BICDL2: variants seen among roughly 807,000 people sequenced by gnomAD.
The protein encoded by BICDL2 is BICD family like cargo adaptor 2.
Under a neutral mutation model 56.6 loss-of-function variants are expected in BICDL2, and 62 were observed. The ratio of observed to expected loss-of-function variants is 1.10; its 90% CI spans 0.89 to 1.35. The LOEUF (loss-of-function observed/expected upper bound fraction) is 1.35. BICDL2 is among the 40% of genes most tolerant of loss of function. The probability of loss-of-function intolerance (pLI) is 0.00; values close to 1 mark genes in which losing one functional copy is unlikely to be tolerated. For missense variants in BICDL2, 808 were observed against 684.5 expected (o/e 1.18, Z -2.01); for synonymous variants, 358 against 319.8 (o/e 1.12, Z -1.27).
chr16:3,027,899 G>T lies in BICDL2; in HGVS notation c.*207C>A. 1 of 847,054 alleles carries T rather than the reference G, an allele frequency of 1.2e-6. No homozygotes were observed. Among genetic ancestry groups the T allele is most frequent in the Non-Finnish European group, 1.7e-6 (1 of 583,950 alleles). The allele number at this position is 847,054 out of a possible 1,614,324, so 52.5% of individuals were successfully genotyped here. On this transcript the variant is annotated 3_prime_UTR_variant, in exon 10 of 10. Coordinates refer to ENST00000572449, the MANE Select transcript of BICDL2 (RefSeq NM_001369667.1). ...ATTCGGAAAATAGCTCTGTTCACCT[G>T]CCCCTGCCACCCACCTGGAGCTCCT...
chr16:3,030,923 G>C lies in BICDL2; in HGVS notation c.498+12C>G. 7 of 1,545,816 alleles carry C rather than the reference G, an allele frequency of 4.5e-6. No homozygotes were observed. Among genetic ancestry groups the C allele is most frequent in the Non-Finnish European group, 6.1e-6 (7 of 1,151,188 alleles). ...AACCTTGTCCAGGGCCCTGGGGTCA[G>C]GGCCATCCCACCTGAGCCAGCTGCT... On this transcript the variant is annotated intron_variant, in intron 3 of 9. Coordinates refer to ENST00000572449, the MANE Select transcript of BICDL2 (RefSeq NM_001369667.1).
chr16:3,031,382 G>A (rs974130297), intron 2 of BICDL2: 3 of 576,964 alleles, frequency 5.2e-6, no homozygotes, highest in African/African-American at 1.9e-5. Context: ...CAAGGGTTGG[G>A]GTGGGGGGAT....
At position 3,030,767 on chromosome 16, in the gene BICDL2, G is replaced by T. The variant is rs371248385; in HGVS notation, c.544C>A (p.Arg182=). 3 of 1,612,472 alleles carry T rather than the reference G, an allele frequency of 1.9e-6. No individual in the cohort carries two copies. The highest frequency in any genetic ancestry group is 2.5e-6 in the Non-Finnish European group (3 of 1,179,676). ...AGTGCCTGAGCCTGGCACTGTCCCC[G>T]AAGGGCGTCCAGTTCCCTCTGAAGT... ...QELQRELDAL[R]GQCQAQALAG... is the part of the protein sequence containing the mutation. Residue 182 remains arginine (R), a synonymous_variant, in exon 4 of 10, where the codon CGG becomes AGG. Transcript: ENST00000572449.
intron 2 of BICDL2, among the ~76,000 whole-genome samples, chr16:3,034,348 G>C (rs1471512417): frequency 6.6e-6 from 1 of 152,120 alleles, no homozygotes; most frequent in African/African-American, 2.4e-5. Flanking sequence ...GCATGATCTT[G>C]GCTCATAGCA....
rs766451998 is a variant in BICDL2 at position 3,028,746 on chromosome 16, C to T, written c.1192G>A (p.Glu398Lys). Residue 398 changes from glutamate (E) to lysine (K), a missense_variant, in exon 8 of 10, where the codon GAG (glutamate) becomes AAG (lysine). By Grantham distance (56) the Glu-to-Lys change is moderately conservative. Transcript: ENST00000572449. The stretch of plus-strand genomic sequence containing the variant: ...TCTGAGAGGGCACTGTGCAGGGCCT[C>T]CCCAGGGTCTTCCTGCGCCCGCAGC... Reference protein sequence around the residue: ...KELRAQEDPGEALHSALSDRD... With the variant: ...KELRAQEDPGKALHSALSDRD... 11 of 1,564,142 alleles carry T rather than the reference C, an allele frequency of 7.0e-6. No homozygotes were observed. The highest frequency in any genetic ancestry group is 8.7e-6 in the Non-Finnish European group (10 of 1,154,548).
At chr16:3,028,566 A>C (rs2151139014) in intron 8 of BICDL2, 98 bp from the exon 9 acceptor site, 1 of 1,533,040 alleles carries the variant, frequency 6.5e-7, no homozygotes, top group Non-Finnish European at 8.7e-7. Flanking sequence ...GGAGGGCTGC[A>C]AACACCTAGA....
intron 1 of BICDL2, 44 bp from the exon 2 acceptor site, chr16:3,035,570 C>A: frequency 6.7e-7 from 1 of 1,488,630 alleles, no homozygotes; most frequent in South Asian, 1.3e-5. Context: ...GCTCACCCTC[C>A]GCCCAGCACC....
At chr16:3,036,658 T>C (rs1596486279) in intron 1 of BICDL2, 2 of 387,286 alleles carry the variant, frequency 5.2e-6, no homozygotes, top group Non-Finnish European at 1.0e-5. Flanking sequence ...CCGCTCCCCC[T>C]CCCCTTCCGC....
At chr16:3,036,004 C>T (rs1955728895) in intron 1 of BICDL2, 1 of 317,218 alleles carries the variant, frequency 3.2e-6, no homozygotes, top group Admixed American at 5.0e-5. Flanking sequence ...CCAGCTCCTT[C>T]CCCTGCCAGA....
intron 1 of BICDL2, chr16:3,036,300 C>A (rs1430310712): frequency 4.4e-6 from 2 of 451,792 alleles, no homozygotes; most frequent in Non-Finnish European, 8.9e-6. Flanking sequence ...CCGGCCGCAG[C>A]GCGGCTCGGA....
Position 3,027,905 on chromosome 16 carries a change from G to A in BICDL2, c.*201C>T. 1 of 873,950 alleles carries A rather than the reference G, an allele frequency of 1.1e-6. No homozygotes were observed. The highest frequency in any genetic ancestry group is 1.6e-6 in the Non-Finnish European group (1 of 608,710). 54.1% of individuals were successfully genotyped at this position (873,950 alleles called of 1,614,324 possible). On this transcript the variant is annotated 3_prime_UTR_variant, in exon 10 of 10. Transcript: ENST00000572449. ...AAAATAGCTCTGTTCACCTGCCCCTGCCACCCACCTGGAGCTCCTGCCCCA... is the reference window on the plus strand; with the variant it reads ...AAAATAGCTCTGTTCACCTGCCCCTACCACCCACCTGGAGCTCCTGCCCCA...
intron 1 of BICDL2, chr16:3,036,637 G>A: frequency 8.9e-6 from 4 of 451,696 alleles, no homozygotes; most frequent in Non-Finnish European, 1.8e-5. Context: ...CGAGAGACAG[G>A]GACCTGGAGA....
At chr16:3,031,296 G>T in intron 2 of BICDL2, 146 bp from the exon 3 acceptor site, 1 of 679,130 alleles carries the variant, frequency 1.5e-6, no homozygotes, top group Non-Finnish European at 2.5e-6. Flanking sequence ...GCAAGGGAGA[G>T]TGAGGGAGGA....
In BICDL2 at chr16:3,031,131, T is replaced by G. The variant is rs770451226; in HGVS notation, c.302A>C (p.His101Pro). The change falls in exon 3 of 10, where the codon CAT becomes CCT. Residue 101 changes from histidine (H) to proline (P), a missense_variant. By Grantham distance (77) the His-to-Pro change is moderately conservative. Coordinates refer to ENST00000572449, the MANE Select transcript of BICDL2 (RefSeq NM_001369667.1). ...EREERLQQEN[H>P]ELRRGLAARG... ...GGCTGCCAGGCCTCGCCGGAGCTCA[T>G]GGTTCTCCTGCTGGAGCCGCTGTGG... 40 of 1,535,252 alleles carry G rather than the reference T, an allele frequency of 2.6e-5. 1 individual carries two copies. In the Middle Eastern group the frequency reaches 5.4e-4, roughly 21 times the overall value.
chr16:3,030,196 C>A, intron 5 of BICDL2: 1 of 545,260 alleles, frequency 1.8e-6, no homozygotes, highest in African/African-American at 1.9e-5. Context: ...TAGGGGCTGT[C>A]ATTCCTGGCC....
In BICDL2 at chr16:3,029,696, A is replaced by C; in HGVS notation, c.806T>G (p.Leu269Arg). ...RSEAGEALSALRRLQRRVSEL... is the reference protein window; with the variant it reads ...RSEAGEALSARRRLQRRVSEL... ...GGAGACGCGCCGCTGCAGCCTCCGC[A>C]GCGCACTCAGCGCCTCCCCAGCCTC... Residue 269 changes from leucine to arginine, a missense_variant, in exon 6 of 10, where the codon CTG becomes CGG. Physicochemically the swap from Leu to Arg is moderately radical, Grantham distance 102. Transcript: ENST00000572449. 1 of 1,540,652 alleles carries C rather than the reference A, an allele frequency of 6.5e-7. No individual in the cohort carries two copies. Among genetic ancestry groups the C allele is most frequent in the South Asian group, 1.2e-5 (1 of 84,532 alleles).
chr16:3,032,674 A>G (rs888922664), intron 2 of BICDL2: 1 of 152,232 alleles, frequency 6.6e-6, no homozygotes, highest in Non-Finnish European at 1.5e-5. Flanking sequence ...TCTGCAGGAC[A>G]AGAAGAGCCA....
At position 3,027,769 on chromosome 16, in the gene BICDL2, T is replaced by C; in HGVS notation, c.*337A>G. 8.3e-7 allele frequency: 1 copy of C among 1,207,966 alleles called. No individual in the cohort carries two copies. Among genetic ancestry groups the C allele is most frequent in the Non-Finnish European group, 1.1e-6 (1 of 879,522 alleles). The allele number at this position is 1,207,966 out of a possible 1,614,324, so 74.8% of individuals were successfully genotyped here. A position where few individuals can be genotyped will look rare whatever the true frequency, so the allele number is the denominator to read the frequency against. On this transcript the variant is annotated 3_prime_UTR_variant, in exon 10 of 10. Coordinates refer to ENST00000572449, the MANE Select transcript of BICDL2 (RefSeq NM_001369667.1). ...TTTTTTACCATGCTCTTTCTTTCTA[T>C]GAATGGGGGCCAAATCGGTGGAGTG...
rs751854219 is a variant in BICDL2 at position 3,030,643 on chromosome 16, C to T, written c.616-48G>A. 4.4e-6 allele frequency: 7 copies of T among 1,592,542 alleles called. No homozygotes were observed. In the South Asian group the frequency reaches 5.6e-5, roughly 13 times the overall value. ...GGGACAGGGGCAGCCCCTCCCAGCC[C>T]TCAGCCCGGCTTTTTTGGCTCAGAT... On this transcript the variant is annotated intron_variant, in intron 4 of 9. Transcript: ENST00000572449.
Sources: allele counts gnomAD v4.1 joint callset (sites outside exome capture counted in the v4.1 genomes callset), GRCh38; gene constraint gnomAD v4.1.1; transcripts MANE v1.5; gene names NCBI Gene and HGNC (gene_info 2026-07-23, HGNC 2026-07-21).